The following CDH22 variants were observed in gnomAD, a reference collection of about 807,000 sequenced individuals.
CDH22 encodes the protein cadherin 22.
A neutral mutation model predicts 58.4 loss-of-function variants in CDH22; 30 were observed. The ratio of observed to expected loss-of-function variants is 0.51; its 90% CI spans 0.38 to 0.70. CDH22 has a LOEUF of 0.70. Ranked by LOEUF, CDH22 falls within the 30% of genes least tolerant of loss-of-function variation. The probability of loss-of-function intolerance (pLI) is 0.00; values close to 1 mark genes in which losing one functional copy is unlikely to be tolerated. For missense variants in CDH22, 1,014 were observed against 1,233.9 expected, an observed-to-expected ratio of 0.82 and a Z score of 2.67; for synonymous variants, 513 against 558.2, an observed-to-expected ratio of 0.92 and a Z score of 1.14.
chr20:46,229,169 C>T (rs1045823460), intron 3 of CDH22, among the ~76,000 whole-genome samples: 20 of 152,128 alleles, frequency 1.3e-4, no homozygotes, highest in South Asian at 4.1e-4. Context: ...GAGGACACAG[C>T]TCCAGGTGCC....
chr20:46,285,451 A>G (rs1241326021), intron 1 of CDH22, among the ~76,000 whole-genome samples: 1 of 152,152 alleles, frequency 6.6e-6, no homozygotes, highest in Non-Finnish European at 1.5e-5. Context: ...TTCGCTTGTC[A>G]CAACTGAGAG....
rs560301966 is a variant in CDH22 at position 46,308,493 on chromosome 20, G to A, written c.-638C>T. ...AGCGAGCGGGAGCGAGGGAGTGTGC[G>A]TGTCTGACTGGGGGGAAGTGTGCAA... On this transcript the variant is annotated 5_prime_UTR_variant, in exon 1 of 12. The change creates a new upstream start codon in the 5' untranslated region. Transcript: ENST00000537909. This position sits in a 1 kb window ranked among gnomAD's most constrained non-coding sequence, Gnocchi z 4.3. 5 of 206,934 alleles carry A rather than the reference G, an allele frequency of 2.4e-5. No homozygotes were observed. In the South Asian group the frequency reaches 9.2e-4, roughly 38 times the overall value. 12.8% of individuals were successfully genotyped at this position (206,934 alleles called of 1,614,324 possible). A position where few individuals can be genotyped will look rare whatever the true frequency, so the allele number is the denominator to read the frequency against.
intron 10 of CDH22, among the ~76,000 whole-genome samples, chr20:46,179,065 C>T (rs1005327216): frequency 6.6e-6 from 1 of 152,248 alleles, no homozygotes; most frequent in African/African-American, 2.4e-5. Context: ...GCTGAGGTGA[C>T]AGGTGGCACC....
intron 8 of CDH22, among the ~76,000 whole-genome samples, chr20:46,197,998 T>A (rs1412351810): frequency 6.6e-6 from 1 of 152,110 alleles, no homozygotes; most frequent in East Asian, 1.9e-4. Flanking sequence ...CCTACCCGCC[T>A]GCAGCTCAGA....
At chr20:46,217,277 C>G (rs2086092990) in intron 4 of CDH22, among the ~76,000 whole-genome samples, 1 of 152,130 alleles carries the variant, frequency 6.6e-6, no homozygotes, top group Non-Finnish European at 1.5e-5. Flanking sequence ...CATACTTGCT[C>G]ATATGGATGC....
At chr20:46,176,940 C>A (rs61020377) in intron 11 of CDH22, among the ~76,000 whole-genome samples, 1,967 of 152,270 alleles carry the variant, frequency 0.013, 37 homozygotes, top group African/African-American at 0.04. Flanking sequence ...GGCAATTAGG[C>A]AGAACTTTGT....
intron 1 of CDH22, among the ~76,000 whole-genome samples, chr20:46,278,061 AAGGAGG>A (rs893910767): frequency 2.0e-5 from 3 of 151,568 alleles, no homozygotes; most frequent in Non-Finnish European, 2.9e-5. Context: ...GACAGGTGAC[AAGGAGG>A]AGGAGGAGGA....
intron 4 of CDH22, among the ~76,000 whole-genome samples, chr20:46,223,435 G>T (rs1430041260): frequency 6.6e-6 from 1 of 152,066 alleles, no homozygotes; most frequent in Non-Finnish European, 1.5e-5. Context: ...ATGCATGAAG[G>T]CTTCCTCATC....
Position 46,174,467 on chromosome 20 carries a change from G to T in CDH22, c.*39C>A. ...TGTCCTGGGGCCCCGGCGTGTGCTGGGCGGGTGAGCAGCCGCGCCCCGACG... is the reference window on the plus strand; with the variant it reads ...TGTCCTGGGGCCCCGGCGTGTGCTGTGCGGGTGAGCAGCCGCGCCCCGACG... On this transcript the variant is annotated 3_prime_UTR_variant, in exon 12 of 12. Transcript: ENST00000537909. The surrounding 1 kb of genome is among the most constrained non-coding windows in gnomAD (Gnocchi z 4.4). The T allele has an allele frequency of 7.3e-7, 1 of 1,365,016 alleles. No individual in the cohort carries two copies. Among genetic ancestry groups the T allele is most frequent in the South Asian group, 1.5e-5 (1 of 66,292 alleles). 84.6% of individuals were successfully genotyped at this position (1,365,016 alleles called of 1,614,324 possible).
At chr20:46,266,273 C>T (rs1230318344) in intron 1 of CDH22, among the ~76,000 whole-genome samples, 3 of 152,148 alleles carry the variant, frequency 2.0e-5, no homozygotes, top group African/African-American at 7.2e-5. Context: ...CTGAGGTGGC[C>T]CCAGGTGGCC....
chr20:46,245,224 C>T (rs948159135), intron 2 of CDH22, among the ~76,000 whole-genome samples: 1 of 152,200 alleles, frequency 6.6e-6, no homozygotes, highest in African/African-American at 2.4e-5. Flanking sequence ...CACTGGAGAT[C>T]CAGGGGCCAT....
At chr20:46,220,107 AG>A (rs1355813479) in intron 4 of CDH22, among the ~76,000 whole-genome samples, 1 of 150,752 alleles carries the variant, frequency 6.6e-6, no homozygotes, top group African/African-American at 2.4e-5. Context: ...ACAGAGAGGA[AG>A]GGAAGAAAGG....
intron 8 of CDH22, among the ~76,000 whole-genome samples, chr20:46,190,468 G>A (rs2085855726): frequency 6.6e-6 from 1 of 152,218 alleles, no homozygotes; most frequent in Non-Finnish European, 1.5e-5. Context: ...CCAGGCCCAA[G>A]TGGATCTCAC....
intron 1 of CDH22, among the ~76,000 whole-genome samples, chr20:46,270,209 T>C (rs2086480190): frequency 6.6e-6 from 1 of 152,100 alleles, no homozygotes; most frequent in South Asian, 2.1e-4. Context: ...GGGTCTTAAC[T>C]TGGAGATAGG....
In CDH22 at chr20:46,300,479, C is replaced by T. The variant is rs1295627295; in HGVS notation, c.-400+7776G>A. The stretch of plus-strand genomic sequence containing the variant: ...GGTGCCTGTCACTCTGCCCATCACA[C>T]ACACAAGCGCGCGTGTGCGTGCGCG... On this transcript the variant is annotated intron_variant, in intron 1 of 11. Coordinates refer to ENST00000537909, the MANE Select transcript of CDH22 (RefSeq NM_021248.3). This position sits in a 1 kb window ranked among gnomAD's most constrained non-coding sequence, Gnocchi z 4.4. Among the ~76,000 whole-genome samples the T allele has an allele frequency of 6.6e-6, 1 of 152,222 alleles. No homozygotes were observed. Among genetic ancestry groups the T allele is most frequent in the East Asian group, 1.9e-4 (1 of 5,192 alleles).
chr20:46,224,564 G>A (rs1303654538), intron 4 of CDH22, among the ~76,000 whole-genome samples: 1 of 152,130 alleles, frequency 6.6e-6, no homozygotes. Flanking sequence ...AAGCCAATAT[G>A]GTTAAAGCTG....
intron 8 of CDH22, among the ~76,000 whole-genome samples, chr20:46,187,855 A>G (rs2085837819): frequency 6.6e-6 from 1 of 152,174 alleles, no homozygotes; most frequent in African/African-American, 2.4e-5. Flanking sequence ...TACAATTTCT[A>G]TCCCCATATT....
intron 1 of CDH22, among the ~76,000 whole-genome samples, chr20:46,297,069 C>T (rs561498750): frequency 6.6e-6 from 1 of 152,088 alleles, no homozygotes; most frequent in Non-Finnish European, 1.5e-5. Context: ...GATGCAGAGA[C>T]CTGGGAGTGA....
In CDH22 at chr20:46,251,311, GC is replaced by G; in HGVS notation, c.-18del. ...CGGCCTCATCCTTGGCCTGCGCGGG[GC>G]TGGGGCCCAGGAGCATGGACGAGAG... On this transcript the variant is annotated 5_prime_UTR_variant, in exon 2 of 12. Transcript: ENST00000537909. This position sits in a 1 kb window ranked among gnomAD's most constrained non-coding sequence, Gnocchi z 6.7. 6.9e-7 allele frequency: 1 copy of G among 1,438,980 alleles called. No homozygotes were observed. The highest frequency in any genetic ancestry group is 9.1e-7 in the Non-Finnish European group (1 of 1,104,956). The allele number at this position is 1,438,980 out of a possible 1,614,324, so 89.1% of individuals were successfully genotyped here.
Sources: gnomAD v4.1 joint callset for allele counts (sites outside exome capture counted in the v4.1 genomes callset) on GRCh38, gnomAD v4.1.1 for gene constraint, Gnocchi (gnomAD v3.1) non-coding constraint, MANE v1.5 for transcripts, NCBI Gene and HGNC (gene_info 2026-07-23, HGNC 2026-07-21) for gene names.